The following RYR3 variants were observed in gnomAD, a reference collection of about 807,000 sequenced individuals.
The protein encoded by RYR3 is ryanodine receptor 3, also known as brain ryanodine receptor-calcium release channel.
RYR3 carries 207 observed loss-of-function variants against 584.3 expected under a neutral mutation model. That is an observed-to-expected ratio of 0.35 (90% CI 0.32 to 0.40). The LOEUF (loss-of-function observed/expected upper bound fraction) is 0.40. Among genes scored for constraint, RYR3 ranks in the 10% least tolerant of loss-of-function variants. RYR3 has a pLI of 1.00. For missense variants in RYR3, 5,616 were observed against 6,089.2 expected (o/e 0.92, Z 2.59); for synonymous variants, 2,416 against 2,248.5 (o/e 1.07, Z -2.11).
At chr15:33,641,094 T>C (rs550167883) in intron 27 of RYR3, among the ~76,000 whole-genome samples, 1 of 152,360 alleles carries the variant, frequency 6.6e-6, no homozygotes, top group African/African-American at 2.4e-5. Flanking sequence ...GGTCTCCATC[T>C]GTCTAATCTA....
chr15:33,569,301 T>C lies in RYR3; in HGVS notation c.1268+2502T>C, dbSNP rs375905922. Among the ~76,000 whole-genome samples, 69 of 152,346 alleles carry C rather than the reference T, an allele frequency of 4.5e-4. 1 individual carries two copies. In the South Asian group the frequency reaches 0.014, roughly 30 times the overall value. Reference sequence around the variant, plus strand: ...TAAAATATACATCACATAAAACTTATCGTTTTAGCCATTTTTAGTTTCAGT... The same window carrying C: ...TAAAATATACATCACATAAAACTTACCGTTTTAGCCATTTTTAGTTTCAGT... On this transcript the variant is annotated intron_variant, in intron 12 of 103. Transcript: ENST00000634891.
rs112599227 is a variant in RYR3 at position 33,676,610 on chromosome 15, A to G, written c.5860+6054A>G. ...GGGGTCAGTGTGGGAACAAGGGCAG[A>G]ACTTTACTTTTATTTAGCTCCATAG... is the stretch of plus-strand genomic sequence containing the variant. On this transcript the variant is annotated intron_variant, in intron 38 of 103. Coordinates refer to ENST00000634891, the MANE Select transcript of RYR3 (RefSeq NM_001036.6). 4.2e-3 allele frequency among the ~76,000 whole-genome samples: 645 copies of G among 152,008 alleles called. 6 individuals carry two copies. The highest frequency in any genetic ancestry group is 0.015 in the African/African-American group (601 of 41,320).
intron 89 of RYR3, 52 bp downstream of exon 89, chr15:33,839,010 C>T: frequency 1.3e-6 from 2 of 1,558,394 alleles, no homozygotes; most frequent in Non-Finnish European, 1.7e-6. Flanking sequence ...ATAAGACTTG[C>T]CACCATATCT....
At chr15:33,564,021 G>A (rs1443903718) in intron 11 of RYR3, among the ~76,000 whole-genome samples, 1 of 152,130 alleles carries the variant, frequency 6.6e-6, no homozygotes, top group Non-Finnish European at 1.5e-5. Flanking sequence ...CAAAACATAA[G>A]CACAAAATAT....
chr15:33,759,963 CAGAAG>C (rs1274724332), intron 60 of RYR3, among the ~76,000 whole-genome samples: 2 of 152,138 alleles, frequency 1.3e-5, no homozygotes, highest in Non-Finnish European at 1.5e-5. Flanking sequence ...CCCTATAAGC[CAGAAG>C]AGGGTGGGGC....
chr15:33,485,236 T>A (rs2050307896), intron 2 of RYR3, among the ~76,000 whole-genome samples: 1 of 152,178 alleles, frequency 6.6e-6, no homozygotes, highest in Non-Finnish European at 1.5e-5. Context: ...AGGGAGCTCT[T>A]TCAATGGCAT....
At chr15:33,598,344 T>G (rs2059488918) in intron 16 of RYR3, among the ~76,000 whole-genome samples, 1 of 151,924 alleles carries the variant, frequency 6.6e-6, no homozygotes, top group Non-Finnish European at 1.5e-5. Context: ...ACTTGGATGT[T>G]AGCCTTTTAA....
At chr15:33,437,308 T>C (rs548921216) in intron 1 of RYR3, among the ~76,000 whole-genome samples, 1 of 152,360 alleles carries the variant, frequency 6.6e-6, no homozygotes, top group South Asian at 2.1e-4. Flanking sequence ...AGGCTCCTTT[T>C]ACATTACATC....
intron 66 of RYR3, 127 bp from the exon 67 acceptor site, chr15:33,788,091 A>G: frequency 8.6e-7 from 1 of 1,166,814 alleles, no homozygotes; most frequent in East Asian, 2.4e-5. Flanking sequence ...AAGATTGAGG[A>G]AGGGAACAAG....
chr15:33,800,164 A>G (rs962292402), intron 67 of RYR3, among the ~76,000 whole-genome samples: 2 of 152,152 alleles, frequency 1.3e-5, no homozygotes, highest in African/African-American at 4.8e-5. Context: ...GAATCTTCAA[A>G]CCATTTTAGA....
At chr15:33,750,733 TTTATTA>T (rs962507507) in intron 57 of RYR3, among the ~76,000 whole-genome samples, 1 of 150,920 alleles carries the variant, frequency 6.6e-6, no homozygotes, top group South Asian at 2.1e-4. Context: ...TAGATATTTT[TTTATTA>T]TTATTTAAGT....
intron 1 of RYR3, among the ~76,000 whole-genome samples, chr15:33,337,498 G>C (rs1262966171): frequency 6.6e-6 from 1 of 151,912 alleles, no homozygotes; most frequent in Admixed American, 6.6e-5. Context: ...TATGAGGCCA[G>C]TACAAACTTT....
rs1231124631 is a variant in RYR3 at position 33,539,396 on chromosome 15, C to T, written c.480C>T (p.Ser160=). The T allele has an allele frequency of 5.0e-6, 8 of 1,602,310 alleles. No individual in the cohort carries two copies. Among genetic ancestry groups the T allele is most frequent in the South Asian group, 2.3e-5 (2 of 88,502 alleles). ...TACATCCTGCTTCCAAACAGAGGTC[C>T]GAAGGAGAGAAAGTTCGAATTGGCG... The part of the protein sequence containing the change: ...WTIHPASKQR[S]EGEKVRIGDD... Residue 160 remains serine (S), a synonymous_variant, in exon 6 of 104, where the codon TCC becomes TCT. Transcript: ENST00000634891.
chr15:33,791,420 T>C (rs2075150326), intron 67 of RYR3, among the ~76,000 whole-genome samples: 1 of 151,840 alleles, frequency 6.6e-6, no homozygotes, highest in African/African-American at 2.4e-5. Flanking sequence ...AGAGAGGTCT[T>C]TTGGGGTCCT....
chr15:33,331,237 C>G (rs1313816023), intron 1 of RYR3, among the ~76,000 whole-genome samples: 1 of 152,172 alleles, frequency 6.6e-6, no homozygotes, highest in Non-Finnish European at 1.5e-5. Flanking sequence ...CGAGTTCATT[C>G]TCTTCCAAAT....
chr15:33,701,365 G>C (rs927554486), intron 42 of RYR3, among the ~76,000 whole-genome samples: 2 of 152,182 alleles, frequency 1.3e-5, no homozygotes, highest in East Asian at 1.9e-4. Flanking sequence ...CCAGATGCCG[G>C]TGGTTCCTAA....
intron 1 of RYR3, among the ~76,000 whole-genome samples, chr15:33,348,971 C>G (rs184190577): frequency 6.6e-6 from 1 of 151,976 alleles, no homozygotes; most frequent in Non-Finnish European, 1.5e-5. Context: ...TTTTCATTGT[C>G]TCTATAGTTT....
intron 1 of RYR3, among the ~76,000 whole-genome samples, chr15:33,419,134 G>T (rs528380311): frequency 6.6e-6 from 1 of 152,048 alleles, no homozygotes; most frequent in African/African-American, 2.4e-5. Context: ...AAAAGCGAGG[G>T]AATAATGAAT....
chr15:33,663,002 A>G (rs564452142), intron 35 of RYR3, 54 bp downstream of exon 35: 2 of 1,489,906 alleles, frequency 1.3e-6, no homozygotes, highest in South Asian at 2.4e-5. Context: ...TGCTTTGATC[A>G]AAATATCAGG....
Sources: allele counts gnomAD v4.1 joint callset (sites outside exome capture counted in the v4.1 genomes callset), GRCh38; gene constraint gnomAD v4.1.1; transcripts MANE v1.5; gene names NCBI Gene and HGNC (gene_info 2026-07-23, HGNC 2026-07-21).